The following KCNJ15 variants were observed in gnomAD, a reference collection of about 807,000 sequenced individuals.
The protein encoded by KCNJ15 is ATP-sensitive inward rectifier potassium channel 15.
A neutral mutation model predicts 23.0 loss-of-function variants in KCNJ15; 14 were observed. The ratio of observed to expected loss-of-function variants is 0.61; its 90% CI spans 0.40 to 0.95. The LOEUF is 0.95. KCNJ15 is among the 40% of genes least tolerant of loss of function. KCNJ15 has a pLI of 0.00. For missense variants in KCNJ15, 388 were observed against 461.8 expected, an observed-to-expected ratio of 0.84 and a Z score of 1.46; for synonymous variants, 185 against 183.2, an observed-to-expected ratio of 1.01 and a Z score of -0.08.
intron 1 of KCNJ15, among the ~76,000 whole-genome samples, chr21:38,232,299 C>T (rs866127982): frequency 6.6e-6 from 1 of 151,712 alleles, no homozygotes; most frequent in African/African-American, 2.4e-5. Context: ...AATATTCCCT[C>T]TTTAATTCTC....
At chr21:38,278,666 C>T (rs1398777579) in intron 1 of KCNJ15, among the ~76,000 whole-genome samples, 1 of 152,150 alleles carries the variant, frequency 6.6e-6, no homozygotes, top group Non-Finnish European at 1.5e-5. Context: ...GGTAACACCC[C>T]AAAGGATAGA....
rs1042670759 is a variant in KCNJ15 at position 38,303,869 on chromosome 21, T to C, written c.*3480T>C. The stretch of plus-strand genomic sequence containing the variant: ...CCCTTATTTGAGTCTTCAATATATA[T>C]GCCCAGCTGGAGGGAGAAGAAGAGA... On this transcript the variant is annotated 3_prime_UTR_variant, in exon 3 of 3. Transcript: ENST00000398938. The C allele has an allele frequency of 6.6e-6, 1 of 152,178 alleles. No individual in the cohort carries two copies. Among genetic ancestry groups the C allele is most frequent in the Non-Finnish European group, 1.5e-5 (1 of 68,036 alleles). 9.4% of individuals were successfully genotyped at this position (152,178 alleles called of 1,614,324 possible).
At chr21:38,275,184 T>G in intron 1 of KCNJ15, among the ~76,000 whole-genome samples, 1 of 152,192 alleles carries the variant, frequency 6.6e-6, no homozygotes, top group East Asian at 1.9e-4. Flanking sequence ...TGAATTCATG[T>G]ATTACTTAGA....
rs142964465 is a variant in KCNJ15 at position 38,274,356 on chromosome 21, G to A, written c.-117+17171G>A. 6.9e-3 allele frequency among the ~76,000 whole-genome samples: 1,043 copies of A among 152,250 alleles called. 6 individuals are homozygous for A. Among genetic ancestry groups the A allele is most frequent in the Middle Eastern group, 0.02 (6 of 294 alleles). On this transcript the variant is annotated intron_variant, in intron 1 of 2. Coordinates refer to ENST00000398938, the MANE Select transcript of KCNJ15 (RefSeq NM_170736.3). Reference sequence around the variant, plus strand: ...AAGTGCCATACCATCATCCCCTTTAGTAAGATCACACTTCTCCAATTTCTG... The same window carrying A: ...AAGTGCCATACCATCATCCCCTTTAATAAGATCACACTTCTCCAATTTCTG...
At chr21:38,242,848 G>T (rs62223529) in intron 1 of KCNJ15, among the ~76,000 whole-genome samples, 2 of 152,250 alleles carry the variant, frequency 1.3e-5, no homozygotes, top group South Asian at 2.1e-4. Flanking sequence ...CAGTAAGCTC[G>T]TCTGGGTAGG....
At chr21:38,263,330 C>T (rs1478876091) in intron 1 of KCNJ15, among the ~76,000 whole-genome samples, 2 of 152,154 alleles carry the variant, frequency 1.3e-5, no homozygotes, top group East Asian at 3.9e-4. Context: ...TTGAATTTGA[C>T]AGCAAAGCAC....
intron 1 of KCNJ15, among the ~76,000 whole-genome samples, chr21:38,244,345 T>C (rs1221224834): frequency 1.3e-5 from 2 of 152,202 alleles, no homozygotes; most frequent in East Asian, 1.9e-4. Flanking sequence ...AGGTGGACTT[T>C]GGTGTCTTAG....
At chr21:38,286,813 A>G (rs1983963967) in intron 1 of KCNJ15, among the ~76,000 whole-genome samples, 1 of 152,226 alleles carries the variant, frequency 6.6e-6, no homozygotes, top group African/African-American at 2.4e-5. Flanking sequence ...ACAGCAGTTT[A>G]TTTTAGATGG....
In KCNJ15 at chr21:38,306,584, G is replaced by A. The variant is rs1488895500; in HGVS notation, c.*6195G>A. On this transcript the variant is annotated 3_prime_UTR_variant, in exon 3 of 3. Transcript: ENST00000398938. The stretch of plus-strand genomic sequence containing the variant: ...ATCAAATCTCAGGATTAAGGATGTC[G>A]TATTACATCAAATCATTACAGGAAG... 3.3e-5 allele frequency: 5 copies of A among 152,148 alleles called. No individual in the cohort carries two copies. Among genetic ancestry groups the A allele is most frequent in the Admixed American group, 6.5e-5 (1 of 15,284 alleles). The allele number at this position is 152,148 out of a possible 1,614,324, so 9.4% of individuals were successfully genotyped here.
chr21:38,268,037 C>T (rs1445101965), intron 1 of KCNJ15, among the ~76,000 whole-genome samples: 1 of 152,152 alleles, frequency 6.6e-6, no homozygotes, highest in African/African-American at 2.4e-5. Context: ...GAGCAACCCG[C>T]TTCAGTTTTC....
intron 1 of KCNJ15, among the ~76,000 whole-genome samples, chr21:38,241,045 A>G (rs1216047823): frequency 6.6e-6 from 1 of 152,270 alleles, no homozygotes; most frequent in Non-Finnish European, 1.5e-5. Context: ...AGGATTAATG[A>G]GTATGCAAAT....
Position 38,299,210 on chromosome 21 carries a change from G to T in KCNJ15, c.-18-34G>T. On this transcript the variant is annotated intron_variant, in intron 2 of 2. Transcript: ENST00000398938. The surrounding 1 kb of genome is among the most constrained non-coding windows in gnomAD (Gnocchi z 4.5). ...ATTTTCTGGAAGTTCCACCACATAT[G>T]GCGATAATGAAACATCTTTGTCATT... is the stretch of plus-strand genomic sequence containing the variant. 3.4e-6 allele frequency: 5 copies of T among 1,487,238 alleles called. No individual in the cohort carries two copies. Among genetic ancestry groups the T allele is most frequent in the Non-Finnish European group, 4.6e-6 (5 of 1,087,852 alleles). 92.1% of individuals were successfully genotyped at this position (1,487,238 alleles called of 1,614,324 possible).
At chr21:38,263,789 G>A (rs368290023) in intron 1 of KCNJ15, among the ~76,000 whole-genome samples, 2 of 152,130 alleles carry the variant, frequency 1.3e-5, no homozygotes, top group East Asian at 1.9e-4. Flanking sequence ...GCCAGCCTTC[G>A]GGATTGCGAA....
intron 1 of KCNJ15, chr21:38,272,406 C>A (rs1171724959): frequency 6.6e-6 from 1 of 152,358 alleles, no homozygotes; most frequent in African/African-American, 2.4e-5. Flanking sequence ...GTGTTCCTGC[C>A]TACCGGCTCA....
chr21:38,297,636 C>T (rs142645031), intron 2 of KCNJ15, among the ~76,000 whole-genome samples: 2 of 152,322 alleles, frequency 1.3e-5, no homozygotes, highest in East Asian at 3.9e-4. Flanking sequence ...CTTTCCTCTT[C>T]GTTACACTGA....
chr21:38,305,775 G>A lies in KCNJ15; in HGVS notation c.*5386G>A, dbSNP rs560230370. 2.6e-5 allele frequency: 4 copies of A among 152,308 alleles called. No homozygotes were observed. The East Asian group carries it at 5.8e-4, about 22-fold the overall frequency. The allele number at this position is 152,308 out of a possible 1,614,324, so 9.4% of individuals were successfully genotyped here. On this transcript the variant is annotated 3_prime_UTR_variant, in exon 3 of 3. Coordinates refer to ENST00000398938, the MANE Select transcript of KCNJ15 (RefSeq NM_170736.3). Reference sequence around the variant, plus strand: ...GCCAAATCTGACAAATTTACAAAGAGTGTTCACATAATCCCAAACTATGCC... The same window carrying A: ...GCCAAATCTGACAAATTTACAAAGAATGTTCACATAATCCCAAACTATGCC...
rs1317786223 is a variant in KCNJ15 at position 38,299,475 on chromosome 21, G to T, written c.214G>T (p.Ala72Ser). ...GAGATACAAACTCACCCTGTTCGCT[G>T]CCACTTTTGTGATGACCTGGTTCCT... is the stretch of plus-strand genomic sequence containing the variant. Reference protein sequence around the residue: ...KWRYKLTLFAATFVMTWFLFG... With the variant: ...KWRYKLTLFASTFVMTWFLFG... Residue 72 changes from alanine (A) to serine (S), a missense_variant, in exon 3 of 3, where the codon GCC becomes TCC. Ala to Ser is a moderately conservative substitution (Grantham distance 99). Transcript: ENST00000398938. The surrounding 1 kb of genome is among the most constrained non-coding windows in gnomAD (Gnocchi z 4.5). 6.2e-7 allele frequency: 1 copy of T among 1,614,190 alleles called. No homozygotes were observed. The highest frequency in any genetic ancestry group is 1.1e-5 in the South Asian group (1 of 91,086).
At chr21:38,264,656 T>A (rs1241899412) in intron 1 of KCNJ15, among the ~76,000 whole-genome samples, 1 of 152,252 alleles carries the variant, frequency 6.6e-6, no homozygotes, top group African/African-American at 2.4e-5. Context: ...AGCAGAGACC[T>A]TTTTATCTGA....
chr21:38,292,851 C>T (rs1042699303), intron 1 of KCNJ15, among the ~76,000 whole-genome samples: 1 of 151,558 alleles, frequency 6.6e-6, no homozygotes, highest in Admixed American at 6.6e-5. Context: ...TGCCTGTAAT[C>T]CCAGCTGCTT....
Sources: gnomAD v4.1 joint callset for allele counts (sites outside exome capture counted in the v4.1 genomes callset) on GRCh38, gnomAD v4.1.1 for gene constraint, Gnocchi (gnomAD v3.1) non-coding constraint, MANE v1.5 for transcripts, NCBI Gene and HGNC (gene_info 2026-07-23, HGNC 2026-07-21) for gene names.